Variants in KYNU observed in about 807,000 individuals in gnomAD.
The protein encoded by KYNU is L-kynurenine hydrolase.
KYNU carries 54 observed loss-of-function variants against 59.2 expected under a neutral mutation model. That is an observed-to-expected ratio of 0.91 (90% CI 0.73 to 1.14). The LOEUF (loss-of-function observed/expected upper bound fraction) is 1.14. Among genes scored for constraint, KYNU ranks in the 50% most tolerant of loss-of-function variants. The probability of loss-of-function intolerance (pLI) is 0.00; values close to 1 mark genes in which losing one functional copy is unlikely to be tolerated. For missense variants in KYNU, 567 were observed against 554.4 expected, an observed-to-expected ratio of 1.02 and a Z score of -0.23; for synonymous variants, 177 against 192.0, an observed-to-expected ratio of 0.92 and a Z score of 0.65.
At chr2:142,904,647 G>A (rs1234004400) in intron 2 of KYNU, among the ~76,000 whole-genome samples, 1 of 152,172 alleles carries the variant, frequency 6.6e-6, no homozygotes, top group African/African-American at 2.4e-5. Flanking sequence ...AGGGAAAAAG[G>A]TACATACACT....
chr2:142,945,766 C>G (rs1683755124), intron 4 of KYNU, among the ~76,000 whole-genome samples: 1 of 148,668 alleles, frequency 6.7e-6, no homozygotes, highest in Non-Finnish European at 1.5e-5. Context: ...TTTGGAAAAG[C>G]AGTCTCTATC....
chr2:142,900,245 G>A (rs1169246540), intron 2 of KYNU, among the ~76,000 whole-genome samples: 1 of 152,214 alleles, frequency 6.6e-6, no homozygotes, highest in Non-Finnish European at 1.5e-5. Context: ...TGAACACACT[G>A]CTGGATCCAG....
chr2:142,994,202 G>A (rs900133664), intron 10 of KYNU, among the ~76,000 whole-genome samples: 4 of 151,964 alleles, frequency 2.6e-5, no homozygotes, highest in Admixed American at 6.6e-5. Context: ...CAGGGTGGAA[G>A]TTTGTTGTAA....
chr2:142,961,085 C>T (rs747308521), intron 8 of KYNU, among the ~76,000 whole-genome samples: 3 of 151,218 alleles, frequency 2.0e-5, no homozygotes, highest in Admixed American at 6.6e-5. Flanking sequence ...CCCAGCTATT[C>T]GGGAGGCTGA....
At chr2:143,007,892 G>C (rs1280531835) in intron 10 of KYNU, among the ~76,000 whole-genome samples, 1 of 114,146 alleles carries the variant, frequency 8.8e-6, no homozygotes, top group Non-Finnish European at 1.7e-5. Flanking sequence ...TGCCCTAAAA[G>C]AGCTCCTGAA....
intron 4 of KYNU, among the ~76,000 whole-genome samples, chr2:142,949,244 G>T (rs1472935014): frequency 6.6e-6 from 1 of 152,144 alleles, no homozygotes; most frequent in Admixed American, 6.5e-5. Flanking sequence ...CTGGGCGCAT[G>T]GTGCAAGCTG....
In KYNU at chr2:143,042,286, C is replaced by T; in HGVS notation, c.*114C>T. On this transcript the variant is annotated 3_prime_UTR_variant, in exon 14 of 14. Coordinates refer to ENST00000264170, the MANE Select transcript of KYNU (RefSeq NM_003937.3). ...GTCACCATTGACCACATGTAACTAACAATAAATAATATACCTTACAGAAAA... is the reference window on the plus strand; with the variant it reads ...GTCACCATTGACCACATGTAACTAATAATAAATAATATACCTTACAGAAAA... The T allele has an allele frequency of 9.7e-7, 1 of 1,032,320 alleles. No individual in the cohort carries two copies. Among genetic ancestry groups the T allele is most frequent in the Non-Finnish European group, 1.5e-6 (1 of 686,192 alleles). 63.9% of individuals were successfully genotyped at this position (1,032,320 alleles called of 1,614,324 possible).
At chr2:142,923,786 C>A (rs1025351035) in intron 3 of KYNU, among the ~76,000 whole-genome samples, 3 of 152,178 alleles carry the variant, frequency 2.0e-5, no homozygotes, top group African/African-American at 7.2e-5. Context: ...AAACCTACTA[C>A]AGTTTTGTCT....
Position 143,044,672 on chromosome 2 carries a change from A to G in KYNU, c.*2500A>G, listed in dbSNP as rs1573927557. 1 of 151,852 alleles carries G rather than the reference A, an allele frequency of 6.6e-6. No individual in the cohort carries two copies. The highest frequency in any genetic ancestry group is 1.9e-4 in the East Asian group (1 of 5,166). The allele number at this position is 151,852 out of a possible 1,614,324, so 9.4% of individuals were successfully genotyped here. A position where few individuals can be genotyped will look rare whatever the true frequency, so the allele number is the denominator to read the frequency against. ...GTTCGTATCCTTCACCCACTTTTTGATGGGGTTGTGTTTTTCTTGTAAATT... is the reference window on the plus strand; with the variant it reads ...GTTCGTATCCTTCACCCACTTTTTGGTGGGGTTGTGTTTTTCTTGTAAATT... On this transcript the variant is annotated 3_prime_UTR_variant, in exon 14 of 14. Coordinates refer to ENST00000264170, the MANE Select transcript of KYNU (RefSeq NM_003937.3).
Position 143,054,502 on chromosome 2 carries a change from A to G in KYNU, c.*12330A>G, listed in dbSNP as rs1370140478. 1.3e-5 allele frequency: 2 copies of G among 152,334 alleles called. No individual in the cohort carries two copies. The highest frequency in any genetic ancestry group is 4.8e-5 in the African/African-American group (2 of 41,582). 9.4% of individuals were successfully genotyped at this position (152,334 alleles called of 1,614,324 possible). On this transcript the variant is annotated 3_prime_UTR_variant, in exon 14 of 14. Coordinates refer to ENST00000264170, the MANE Select transcript of KYNU (RefSeq NM_003937.3). ...AAGTTAGTGAAAACTATTAATATAT[A>G]GTGGAGGCATCACGTTGTTATGAAC...
rs1234778433 is a variant in KYNU, at chr2:143,044,015, G to A, written c.*1843G>A. The stretch of plus-strand genomic sequence containing the variant: ...CCAACTACCCAAAAGGACCTGGTGT[G>A]TGATGTTCCCCTCCCTGTGTTCATA... On this transcript the variant is annotated 3_prime_UTR_variant, in exon 14 of 14. Coordinates refer to ENST00000264170, the MANE Select transcript of KYNU (RefSeq NM_003937.3). 6.6e-6 allele frequency: 1 copy of A among 151,710 alleles called. No individual in the cohort carries two copies. The highest frequency in any genetic ancestry group is 1.5e-5 in the Non-Finnish European group (1 of 67,960). 9.4% of individuals were successfully genotyped at this position (151,710 alleles called of 1,614,324 possible).
intron 8 of KYNU, chr2:142,971,053 T>G (rs1684704721): frequency 6.6e-6 from 1 of 152,168 alleles, no homozygotes. Context: ...TGGTGTATTT[T>G]TAAAATGTAG....
At position 142,933,774 on chromosome 2, in the gene KYNU, T is replaced by A. The variant is rs13034980; in HGVS notation, c.373+6033T>A. 4.8e-3 allele frequency among the ~76,000 whole-genome samples: 730 copies of A among 152,174 alleles called. 4 individuals carry two copies. The highest frequency in any genetic ancestry group is 7.0e-3 in the Admixed American group (107 of 15,284). Reference sequence around the variant, plus strand: ...AGAGTGGATGGTTTTAGGGATAGGGTACTGAGGTCAAGAGCAAGGGCCTGT... The same window carrying A: ...AGAGTGGATGGTTTTAGGGATAGGGAACTGAGGTCAAGAGCAAGGGCCTGT... On this transcript the variant is annotated intron_variant, in intron 4 of 13. Coordinates refer to ENST00000264170, the MANE Select transcript of KYNU (RefSeq NM_003937.3).
chr2:142,883,191 T>C (rs890818410), intron 1 of KYNU, among the ~76,000 whole-genome samples: 3 of 117,286 alleles, frequency 2.6e-5, no homozygotes, highest in Non-Finnish European at 3.7e-5. Context: ...AATTTCTTTT[T>C]TTTTTTTTTT....
At chr2:143,005,844 A>G (rs1685863756) in intron 10 of KYNU, among the ~76,000 whole-genome samples, 1 of 152,144 alleles carries the variant, frequency 6.6e-6, no homozygotes, top group Non-Finnish European at 1.5e-5. Context: ...GTCTGAATAG[A>G]AAAGGATGGA....
At chr2:142,934,829 G>T (rs145165536) in intron 4 of KYNU, among the ~76,000 whole-genome samples, 1 of 152,124 alleles carries the variant, frequency 6.6e-6, no homozygotes, top group Non-Finnish European at 1.5e-5. Flanking sequence ...TGTGGGGTCC[G>T]CTGACAGTCC....
intron 5 of KYNU, 100 bp from the exon 6 acceptor site, chr2:142,956,103 C>A: frequency 1.4e-6 from 1 of 695,692 alleles, no homozygotes; most frequent in Admixed American, 2.3e-5. Flanking sequence ...TAATTAATGT[C>A]TTTAAAATAC....
At chr2:142,972,813 T>TGTAG (rs1553484070) in intron 8 of KYNU, among the ~76,000 whole-genome samples, 1 of 124,202 alleles carries the variant, frequency 8.1e-6, no homozygotes, top group African/African-American at 3.1e-5. Flanking sequence ...TATATATATA[T>TGTAG]AGAGAGAGAG....
chr2:142,942,261 A>G (rs1683628673), intron 4 of KYNU, among the ~76,000 whole-genome samples: 1 of 151,958 alleles, frequency 6.6e-6, no homozygotes, highest in Non-Finnish European at 1.5e-5. Flanking sequence ...TTGTTTGCAA[A>G]CCCCATGCAG....
Sources: allele counts gnomAD v4.1 joint callset (sites outside exome capture counted in the v4.1 genomes callset), GRCh38; gene constraint gnomAD v4.1.1; transcripts MANE v1.5; gene names NCBI Gene and HGNC (gene_info 2026-07-23, HGNC 2026-07-21).